The following CACNG5 variants were observed in gnomAD, a reference collection of about 807,000 sequenced individuals.
CACNG5 encodes calcium voltage-gated channel auxiliary subunit gamma 5.
CACNG5 carries 18 observed loss-of-function variants against 24.8 expected under a neutral mutation model. The observed-to-expected ratio is 0.73, with a 90% CI of 0.50 to 1.08. The LOEUF (loss-of-function observed/expected upper bound fraction) is 1.08, where lower values mean the gene tolerates loss of function less well. Ranked by LOEUF, CACNG5 falls within the 50% of genes least tolerant of loss-of-function variation. The pLI is 0.00. For missense variants in CACNG5, 349 were observed against 367.9 expected (o/e 0.95, Z 0.42); for synonymous variants, 157 against 149.1 (o/e 1.05, Z -0.39).
chr17:66,872,863 C>T (rs1423464211), intron 1 of CACNG5, among the ~76,000 whole-genome samples: 1 of 152,190 alleles, frequency 6.6e-6, no homozygotes, highest in Non-Finnish European at 1.5e-5. Flanking sequence ...TTATGTGACA[C>T]TTGGCCACTT....
chr17:66,863,348 T>C (rs1421909188), intron 1 of CACNG5, among the ~76,000 whole-genome samples: 1 of 152,062 alleles, frequency 6.6e-6, no homozygotes, highest in Non-Finnish European at 1.5e-5. Flanking sequence ...CTGTTTTTTT[T>C]TGTTATTGTT....
At position 66,885,196 on chromosome 17, in the gene CACNG5, C is replaced by A; in HGVS notation, c.784C>A (p.Leu262Ile). The change falls in exon 6 of 6, where the codon CTC becomes ATC. Residue 262 changes from leucine to isoleucine, a missense_variant. By Grantham distance (5) the Leu-to-Ile change is conservative. Transcript: ENST00000533854. ...LQMNSNYPALLKCPDYDQMSS... is the reference protein window; with the variant it reads ...LQMNSNYPALIKCPDYDQMSS... ...GATGAACAGCAACTACCCCGCCTTG[C>A]TCAAGTGCCCCGACTATGATCAGAT... 1.5e-5 allele frequency: 24 copies of A among 1,606,292 alleles called. No individual in the cohort carries two copies. Among genetic ancestry groups the A allele is most frequent in the Non-Finnish European group, 2.0e-5 (23 of 1,178,992 alleles).
chr17:66,877,637 C>T (rs1015195704), intron 2 of CACNG5, 109 bp downstream of exon 2: 3 of 883,556 alleles, frequency 3.4e-6, no homozygotes, highest in African/African-American at 3.3e-5. Context: ...GACCATTCAC[C>T]ACGGATGATC....
chr17:66,836,999 TCCAAAC>T (rs1262900852), intron 1 of CACNG5, among the ~76,000 whole-genome samples: 1 of 152,208 alleles, frequency 6.6e-6, no homozygotes, highest in Non-Finnish European at 1.5e-5. Flanking sequence ...AAACGTCGGC[TCCAAAC>T]CCTGCTAGGT....
In CACNG5 at chr17:66,891,215, G is replaced by A. The variant is rs1568076430; in HGVS notation, c.*5975G>A. 6.6e-6 allele frequency among the ~76,000 whole-genome samples: 1 copy of A among 152,150 alleles called. No homozygotes were observed. The highest frequency in any genetic ancestry group is 1.5e-5 in the Non-Finnish European group (1 of 68,022). On this transcript the variant is annotated 3_prime_UTR_variant, in exon 6 of 6. Transcript: ENST00000533854. ...GCAGACTTCATGTCATGTCTCATTG[G>A]CCAAAACCAAGTCACATGCCCATTC...
At chr17:66,858,140 A>G (rs1244116921) in intron 1 of CACNG5, among the ~76,000 whole-genome samples, 3 of 152,040 alleles carry the variant, frequency 2.0e-5, no homozygotes, top group African/African-American at 7.2e-5. Context: ...TGGCCTTGCA[A>G]CATCCTGCAC....
At chr17:66,842,843 G>A (rs1360529806) in intron 1 of CACNG5, among the ~76,000 whole-genome samples, 1 of 152,230 alleles carries the variant, frequency 6.6e-6, no homozygotes, top group Non-Finnish European at 1.5e-5. Flanking sequence ...GTGCCTACAA[G>A]GACCACTCCT....
At chr17:66,835,447 C>A (rs946592023) in intron 1 of CACNG5, among the ~76,000 whole-genome samples, 197 bp downstream of exon 1, 1 of 152,140 alleles carries the variant, frequency 6.6e-6, no homozygotes, top group Non-Finnish European at 1.5e-5. Flanking sequence ...CGTGTGTATG[C>A]GCGTGTGCGT....
chr17:66,882,937 T>TTCCA (rs113055446), intron 4 of CACNG5, among the ~76,000 whole-genome samples: 2,310 of 150,606 alleles, frequency 0.015, 31 homozygotes, highest in African/African-American at 0.038. Flanking sequence ...TTCTTTCTCC[T>TTCCA]TCCATCCATC....
At chr17:66,850,867 A>G (rs1202886525) in intron 1 of CACNG5, among the ~76,000 whole-genome samples, 1 of 152,202 alleles carries the variant, frequency 6.6e-6, no homozygotes, top group African/African-American at 2.4e-5. Flanking sequence ...TCATTGACTT[A>G]TAAGAGAGAA....
intron 1 of CACNG5, among the ~76,000 whole-genome samples, chr17:66,861,165 A>G (rs1976852092): frequency 6.6e-6 from 1 of 152,272 alleles, no homozygotes. Flanking sequence ...TGACAATAAC[A>G]GCACAAAGGA....
At chr17:66,843,779 A>G (rs1022592285) in intron 1 of CACNG5, among the ~76,000 whole-genome samples, 1 of 152,164 alleles carries the variant, frequency 6.6e-6, no homozygotes, top group Admixed American at 6.5e-5. Context: ...CTATCTGGAA[A>G]GAAGCCAGCT....
At chr17:66,838,688 A>G (rs1976517742) in intron 1 of CACNG5, among the ~76,000 whole-genome samples, 1 of 152,166 alleles carries the variant, frequency 6.6e-6, no homozygotes, top group African/African-American at 2.4e-5. Context: ...ATGATTCTCG[A>G]CCACATCTAT....
At chr17:66,836,923 T>A (rs761903284) in intron 1 of CACNG5, among the ~76,000 whole-genome samples, 13 of 152,216 alleles carry the variant, frequency 8.5e-5, no homozygotes, top group Non-Finnish European at 1.8e-4. Flanking sequence ...TGTGACTTGG[T>A]GCAGGGGGAG....
intron 1 of CACNG5, among the ~76,000 whole-genome samples, chr17:66,875,154 G>A (rs758664): frequency 0.72 from 109,362 of 151,846 alleles, 39,960 homozygotes; most frequent in African/African-American, 0.84. Flanking sequence ...GCAAGCGGCA[G>A]CACCTCTGAT....
chr17:66,882,881 G>C (rs72843367), intron 4 of CACNG5, among the ~76,000 whole-genome samples: 14,250 of 152,076 alleles, frequency 0.094, 860 homozygotes, highest in African/African-American at 0.16. Flanking sequence ...AACGTAGCTT[G>C]GGAGCCAGGT....
intron 2 of CACNG5, among the ~76,000 whole-genome samples, chr17:66,878,196 T>A (rs1977110954): frequency 6.6e-6 from 1 of 152,228 alleles, no homozygotes; most frequent in South Asian, 2.1e-4. Context: ...TATCCCTTTA[T>A]CATGACCCAA....
intron 1 of CACNG5, among the ~76,000 whole-genome samples, chr17:66,871,842 A>T (rs540366359): frequency 1.3e-5 from 2 of 152,294 alleles, no homozygotes; most frequent in African/African-American, 4.8e-5. Context: ...CCTGGGTGAC[A>T]GAGCGAGACT....
Position 66,877,366 on chromosome 17 carries a change from C to T in CACNG5, c.34C>T (p.Leu12=), listed in dbSNP as rs767991690. Residue 12 remains leucine, a synonymous_variant, in exon 2 of 6, where the codon CTG becomes TTG. Transcript: ENST00000533854. ...SACGRKALTL[L]SSVFAVCGLG... is the part of the protein sequence containing the mutation. ...CTGCGGGAGGAAGGCCCTGACCCTGCTGAGCAGTGTCTTTGCTGTCTGTGG... is the reference window on the plus strand; with the variant it reads ...CTGCGGGAGGAAGGCCCTGACCCTGTTGAGCAGTGTCTTTGCTGTCTGTGG... 1 of 1,614,008 alleles carries T rather than the reference C, an allele frequency of 6.2e-7. No individual in the cohort carries two copies. The highest frequency in any genetic ancestry group is 8.5e-7 in the Non-Finnish European group (1 of 1,180,008).
Sources: allele counts gnomAD v4.1 joint callset (sites outside exome capture counted in the v4.1 genomes callset), GRCh38; gene constraint gnomAD v4.1.1; transcripts MANE v1.5; gene names NCBI Gene and HGNC (gene_info 2026-07-23, HGNC 2026-07-21).